Variants in NOS1AP observed in about 807,000 individuals in gnomAD.
NOS1AP encodes nitric oxide synthase 1 adaptor protein.
In NOS1AP, 21 loss-of-function variants were observed where a neutral mutation model predicts 56.2. That is an observed-to-expected ratio of 0.37 (90% CI 0.26 to 0.54). NOS1AP has a LOEUF of 0.54. Among genes scored for constraint, NOS1AP ranks in the 20% least tolerant of loss-of-function variants. The pLI is 0.84. For missense variants in NOS1AP, 522 were observed against 657.8 expected (o/e 0.79, Z 2.26); for synonymous variants, 270 against 274.6 (o/e 0.98, Z 0.17).
intron 2 of NOS1AP, among the ~76,000 whole-genome samples, chr1:162,252,275 G>C (rs1226875915): frequency 6.6e-6 from 1 of 152,080 alleles, no homozygotes; most frequent in Non-Finnish European, 1.5e-5. Context: ...CCAAACTCCT[G>C]AGCTCAAGCA....
At chr1:162,204,875 G>A (rs1159936621) in intron 2 of NOS1AP, among the ~76,000 whole-genome samples, 1 of 152,138 alleles carries the variant, frequency 6.6e-6, no homozygotes, top group African/African-American at 2.4e-5. Context: ...GGATGTGAAT[G>A]GATGGTGATT....
intron 3 of NOS1AP, among the ~76,000 whole-genome samples, chr1:162,292,856 G>A (rs1655324269): frequency 6.6e-6 from 1 of 152,198 alleles, no homozygotes; most frequent in South Asian, 2.1e-4. Context: ...GAATTTAGGA[G>A]ACTTAAAAAG....
chr1:162,360,115 C>T (rs35336125), intron 8 of NOS1AP, among the ~76,000 whole-genome samples: 24,240 of 151,356 alleles, frequency 0.16, 2,331 homozygotes, highest in Middle Eastern at 0.25. Flanking sequence ...GGTCTAAGAC[C>T]GCAAGACCTC....
intron 4 of NOS1AP, among the ~76,000 whole-genome samples, chr1:162,302,299 A>G (rs777688962): frequency 2.0e-4 from 30 of 152,348 alleles, no homozygotes; most frequent in Middle Eastern, 3.4e-3. Flanking sequence ...TAAATGTGCA[A>G]TGGGTGGATG....
chr1:162,360,132 C>A (rs1256405100), intron 8 of NOS1AP, among the ~76,000 whole-genome samples: 1 of 152,032 alleles, frequency 6.6e-6, no homozygotes, highest in Non-Finnish European at 1.5e-5. Context: ...CCTCTCCCAG[C>A]CTCACCCTAA....
chr1:162,345,280 A>G (rs1005173027), intron 6 of NOS1AP, among the ~76,000 whole-genome samples: 2 of 149,082 alleles, frequency 1.3e-5, no homozygotes, highest in African/African-American at 4.9e-5. Context: ...AGCATTAGGT[A>G]TATCTCCCAA....
chr1:162,185,915 G>A (rs1426517888), intron 2 of NOS1AP, among the ~76,000 whole-genome samples: 2 of 152,142 alleles, frequency 1.3e-5, no homozygotes, highest in South Asian at 2.1e-4. Flanking sequence ...AGTTACTGAG[G>A]TTCTGAGATT....
At chr1:162,195,643 G>A (rs7513132) in intron 2 of NOS1AP, among the ~76,000 whole-genome samples, 67,196 of 151,922 alleles carry the variant, frequency 0.44, 15,350 homozygotes, top group South Asian at 0.6. Context: ...TACTGTTGCC[G>A]TGTCCTTTCC....
intron 2 of NOS1AP, among the ~76,000 whole-genome samples, chr1:162,167,816 C>G (rs905490826): frequency 6.6e-6 from 1 of 152,188 alleles, no homozygotes; most frequent in Non-Finnish European, 1.5e-5. Context: ...GGAAGGGAGA[C>G]AGTTTGAATT....
At chr1:162,205,336 A>G (rs1652122915) in intron 2 of NOS1AP, among the ~76,000 whole-genome samples, 1 of 152,192 alleles carries the variant, frequency 6.6e-6, no homozygotes, top group African/African-American at 2.4e-5. Flanking sequence ...TTTGTTTTAG[A>G]TGGTCTGGAT....
chr1:162,279,881 A>G (rs1654862674), intron 2 of NOS1AP, among the ~76,000 whole-genome samples: 2 of 152,204 alleles, frequency 1.3e-5, no homozygotes, highest in African/African-American at 4.8e-5. Flanking sequence ...GGTTCCAGAT[A>G]TGGGTTTTCT....
intron 1 of NOS1AP, among the ~76,000 whole-genome samples, chr1:162,097,280 T>C (rs1002758417): frequency 3.9e-5 from 6 of 152,228 alleles, no homozygotes; most frequent in African/African-American, 1.4e-4. Context: ...TGTTAACTTA[T>C]AGGCATTCTA....
At chr1:162,362,425 TGGGTGACA>T (rs1354445666) in intron 8 of NOS1AP, among the ~76,000 whole-genome samples, 2 of 80,562 alleles carry the variant, frequency 2.5e-5, no homozygotes, top group African/African-American at 1.0e-4. Context: ...CACTCCAGCC[TGGGTGACA>T]GAGTGAGTCT....
intron 1 of NOS1AP, among the ~76,000 whole-genome samples, chr1:162,105,899 G>A (rs146265470): frequency 6.6e-6 from 1 of 152,224 alleles, no homozygotes; most frequent in East Asian, 1.9e-4. Context: ...TCCACGTGGT[G>A]CTGTGAAAGT....
intron 1 of NOS1AP, among the ~76,000 whole-genome samples, chr1:162,150,105 C>T (rs1649648910): frequency 1.3e-5 from 2 of 152,094 alleles, no homozygotes; most frequent in Non-Finnish European, 2.9e-5. Flanking sequence ...TTTTTGTACT[C>T]ATTAACCATC....
chr1:162,178,086 A>G (rs1651125007), intron 2 of NOS1AP, among the ~76,000 whole-genome samples: 1 of 152,246 alleles, frequency 6.6e-6, no homozygotes, highest in Non-Finnish European at 1.5e-5. Context: ...TATAGTTGGA[A>G]TCATACAGTA....
chr1:162,304,201 C>G (rs752418956), intron 4 of NOS1AP, among the ~76,000 whole-genome samples: 16 of 152,132 alleles, frequency 1.1e-4, no homozygotes, highest in Admixed American at 2.6e-4. Flanking sequence ...CTTCTTCCTT[C>G]TCTCTGTTCC....
chr1:162,229,843 CA>C (rs1410687192), intron 2 of NOS1AP, among the ~76,000 whole-genome samples: 1 of 152,050 alleles, frequency 6.6e-6, no homozygotes, highest in African/African-American at 2.4e-5. Context: ...CTGAGAAGAA[CA>C]GTGGGAAATG....
intron 2 of NOS1AP, among the ~76,000 whole-genome samples, chr1:162,217,267 C>CTTTTTTTTTTTTGTTTTTTTTTTTTTTTT (rs1652605444): frequency 1.5e-5 from 1 of 68,368 alleles, no homozygotes; most frequent in Non-Finnish European, 2.6e-5. Context: ...CTGTTGTTAG[C>CTTTTTTTTTTTTGTTTTTTTTTTTTTTTT]TTTTTTTTTT....
Sources: allele counts gnomAD v4.1 joint callset (sites outside exome capture counted in the v4.1 genomes callset), GRCh38; gene constraint gnomAD v4.1.1; transcripts MANE v1.5; gene names NCBI Gene and HGNC (gene_info 2026-07-23, HGNC 2026-07-21).